The following PTK2 variants were observed in gnomAD, a reference collection of about 807,000 sequenced individuals.
PTK2 encodes the protein protein tyrosine kinase 2.
In PTK2, 45 loss-of-function variants were observed where a neutral mutation model predicts 150.1. The ratio of observed to expected loss-of-function variants is 0.30; its 90% CI spans 0.24 to 0.38. The LOEUF (loss-of-function observed/expected upper bound fraction) is 0.38. Among genes scored for constraint, PTK2 ranks in the 10% least tolerant of loss-of-function variants. The pLI, the probability that PTK2 is intolerant of heterozygous loss-of-function variation, is 1.00. For missense variants in PTK2, 919 were observed against 1,307.3 expected (o/e 0.70, Z 4.58); for synonymous variants, 432 against 449.2 (o/e 0.96, Z 0.48).
intron 14 of PTK2, among the ~76,000 whole-genome samples, chr8:140,787,011 C>T (rs947531403): frequency 6.6e-6 from 1 of 151,828 alleles, no homozygotes; most frequent in African/African-American, 2.4e-5. Flanking sequence ...GGGTGGTGGG[C>T]AGATAATGAA....
At chr8:140,969,490 T>A (rs1387420523) in intron 1 of PTK2, among the ~76,000 whole-genome samples, 1 of 152,200 alleles carries the variant, frequency 6.6e-6, no homozygotes, top group Non-Finnish European at 1.5e-5. Context: ...CTAAATCCAA[T>A]GGTCAATACT....
intron 22 of PTK2, chr8:140,734,873 G>A: frequency 2.2e-6 from 1 of 444,454 alleles, no homozygotes; most frequent in Non-Finnish European, 4.5e-6. Flanking sequence ...AGTGAGCTGT[G>A]TTAGGAGAAT....
intron 10 of PTK2, among the ~76,000 whole-genome samples, chr8:140,807,324 C>T (rs182487929): frequency 6.4e-4 from 97 of 152,148 alleles, no homozygotes; most frequent in Admixed American, 5.5e-3. Flanking sequence ...AGTTTCACTG[C>T]GAAAAAGAGA....
intron 1 of PTK2, among the ~76,000 whole-genome samples, chr8:140,945,077 T>C (rs2100177227): frequency 6.6e-6 from 1 of 152,218 alleles, no homozygotes; most frequent in Non-Finnish European, 1.5e-5. Context: ...TTGTCGTTCA[T>C]CTTGTTCTTG....
chr8:140,961,656 C>T (rs768451425), intron 1 of PTK2, among the ~76,000 whole-genome samples: 16 of 149,252 alleles, frequency 1.1e-4, no homozygotes, highest in Admixed American at 1.3e-4. Context: ...AGCGAGACTC[C>T]ATCTCAAAAA....
At chr8:140,848,024 T>C (rs2100126725) in intron 5 of PTK2, among the ~76,000 whole-genome samples, 1 of 152,194 alleles carries the variant, frequency 6.6e-6, no homozygotes. Flanking sequence ...TACCCACTCA[T>C]CCTCTTCATG....
chr8:140,912,924 C>T (rs1185966914), intron 2 of PTK2, among the ~76,000 whole-genome samples: 2 of 151,548 alleles, frequency 1.3e-5, no homozygotes, highest in Non-Finnish European at 2.9e-5. Flanking sequence ...CCAGCCTGGG[C>T]GACAGAGCAA....
rs546561795 is a variant in PTK2 at position 140,998,644 on chromosome 8, C to G, written c.-122+2481G>C. 2.1e-3 allele frequency among the ~76,000 whole-genome samples: 318 copies of G among 151,956 alleles called. 1 individual carries two copies. Among genetic ancestry groups the G allele is most frequent in the Non-Finnish European group, 3.1e-3 (209 of 67,958 alleles). ...CCACCCTGGCTAACACGGCGAAACCCCGTCTCTACTAAAAAATACAAAAAA... is the reference window on the plus strand; with the variant it reads ...CCACCCTGGCTAACACGGCGAAACCGCGTCTCTACTAAAAAATACAAAAAA... On this transcript the variant is annotated intron_variant, in intron 1 of 31. Coordinates refer to ENST00000522684, the Ensembl canonical transcript of PTK2.
intron 27 of PTK2, among the ~76,000 whole-genome samples, chr8:140,680,384 C>T (rs528285497): frequency 3.3e-5 from 5 of 152,230 alleles, no homozygotes; most frequent in African/African-American, 1.2e-4. Flanking sequence ...CCCGCTACCA[C>T]GCCCGGCTAA....
At chr8:140,753,520 G>C (rs1053956436) in intron 16 of PTK2, among the ~76,000 whole-genome samples, 2 of 152,196 alleles carry the variant, frequency 1.3e-5, no homozygotes, top group Non-Finnish European at 2.9e-5. Flanking sequence ...CAAGGGAGAT[G>C]AGAGAGGTCC....
intron 16 of PTK2, among the ~76,000 whole-genome samples, chr8:140,759,069 A>G (rs2100067633): frequency 6.6e-6 from 1 of 152,212 alleles, no homozygotes; most frequent in Non-Finnish European, 1.5e-5. Flanking sequence ...AAGTTTGCGT[A>G]AGTATACCGT....
rs1332413071 is a variant in PTK2, at chr8:140,857,660, G to A, written c.450+6652C>T. 2.6e-5 allele frequency among the ~76,000 whole-genome samples: 4 copies of A among 152,176 alleles called. No homozygotes were observed. In the East Asian group the frequency reaches 7.7e-4, roughly 29 times the overall value. On this transcript the variant is annotated intron_variant, in intron 5 of 31. Coordinates refer to ENST00000522684, the Ensembl canonical transcript of PTK2. ...TGGGCTGTAAGATACAGGAACAGAG[G>A]ACATGTATGCTCTCAGCTGGCTGAG...
At chr8:140,980,545 C>G (rs1467000384) in intron 1 of PTK2, among the ~76,000 whole-genome samples, 2 of 151,942 alleles carry the variant, frequency 1.3e-5, no homozygotes, top group Admixed American at 6.6e-5. Context: ...TGGTGTGAAC[C>G]CGGGAGGCGG....
At chr8:140,708,338 T>G (rs2100034929) in intron 23 of PTK2, among the ~76,000 whole-genome samples, 1 of 152,334 alleles carries the variant, frequency 6.6e-6, no homozygotes, top group East Asian at 1.9e-4. Flanking sequence ...CTGCCTGGAA[T>G]GTCTCCTCCT....
Position 140,818,785 on chromosome 8 carries a change from G to A in PTK2, c.789+95C>T. 2.2e-6 allele frequency: 3 copies of A among 1,342,928 alleles called. No homozygotes were observed. The South Asian group carries it at 4.3e-5, about 19-fold the overall frequency. The allele number at this position is 1,342,928 out of a possible 1,614,324, so 83.2% of individuals were successfully genotyped here. A position where few individuals can be genotyped will look rare whatever the true frequency, so the allele number is the denominator to read the frequency against. ...CATTTTATTGAAAAAAATGGGACAA[G>A]TTAGCATTTTTTCATCAGAAATTTA... On this transcript the variant is annotated intron_variant, in intron 9 of 31. Transcript: ENST00000522684.
intron 10 of PTK2, among the ~76,000 whole-genome samples, chr8:140,807,386 A>C (rs1226497489): frequency 6.6e-6 from 1 of 152,258 alleles, no homozygotes; most frequent in Non-Finnish European, 1.5e-5. Context: ...ATTCAGATAC[A>C]GTACTGCACC....
At chr8:140,934,467 A>T (rs1463391426) in intron 1 of PTK2, 1 of 152,146 alleles carries the variant, frequency 6.6e-6, no homozygotes, top group Non-Finnish European at 1.5e-5. Context: ...TAGCAACTCC[A>T]TTCTCCTAGC....
chr8:140,990,274 A>C (rs1569545546), intron 1 of PTK2, among the ~76,000 whole-genome samples: 1 of 150,760 alleles, frequency 6.6e-6, no homozygotes, highest in Non-Finnish European at 1.5e-5. Context: ...TCCCTCTGTC[A>C]CCCAGGTTGG....
intron 22 of PTK2, 88 bp from the exon 26 acceptor site, chr8:140,717,797 A>T (rs1210916689): frequency 9.9e-7 from 1 of 1,008,336 alleles, no homozygotes; most frequent in African/African-American, 1.6e-5. Context: ...AAGGAACACC[A>T]GTTGGCTAAC....
Sources: gnomAD v4.1 joint callset for allele counts (sites outside exome capture counted in the v4.1 genomes callset) on GRCh38, gnomAD v4.1.1 for gene constraint, MANE v1.5 for transcripts, NCBI Gene and HGNC (gene_info 2026-07-23, HGNC 2026-07-21) for gene names.